SEMA3A: variants seen among roughly 807,000 people sequenced by gnomAD.
SEMA3A encodes the protein semaphorin-3A.
A neutral mutation model predicts 97.9 loss-of-function variants in SEMA3A; 29 were observed. That is an observed-to-expected ratio of 0.30 (90% CI 0.22 to 0.40). The LOEUF (loss-of-function observed/expected upper bound fraction) is 0.40, where lower values mean the gene tolerates loss of function less well. SEMA3A is among the 10% of genes least tolerant of loss of function. The probability of loss-of-function intolerance (pLI) is 1.00; values close to 1 mark genes in which losing one functional copy is unlikely to be tolerated. For synonymous variants in SEMA3A, 321 were observed against 323.7 expected (o/e 0.99, Z 0.09); for missense variants, 763 against 951.3 (o/e 0.80, Z 2.60).
chr7:84,248,954 G>A (rs958151979), intron 3 of SEMA3A, among the ~76,000 whole-genome samples: 1 of 152,150 alleles, frequency 6.6e-6, no homozygotes, highest in African/African-American at 2.4e-5. Context: ...GGCTACATTT[G>A]ACTAGATGTC....
chr7:84,451,024 G>A (rs1475275071), intron 1 of SEMA3A, among the ~76,000 whole-genome samples: 2 of 152,124 alleles, frequency 1.3e-5, no homozygotes, highest in African/African-American at 4.8e-5. Context: ...GTAATTCCAA[G>A]TTTGTGTTTG....
rs76904765 is a variant in SEMA3A at position 84,341,665 on chromosome 7, C to T, written c.-169+30159G>A. 9.8e-3 allele frequency among the ~76,000 whole-genome samples: 1,496 copies of T among 152,176 alleles called. 47 individuals carry two copies. In the East Asian group the frequency reaches 0.11, roughly 12 times the overall value. ...AGTATCTATCTAAGCCTTCAGCCTTCGTCATCTCAAACCTGGATGACTGAA... is the reference window on the plus strand; with the variant it reads ...AGTATCTATCTAAGCCTTCAGCCTTTGTCATCTCAAACCTGGATGACTGAA... On this transcript the variant is annotated intron_variant, in intron 2 of 3. Coordinates refer to the SEMA3A transcript ENST00000424555.
chr7:84,118,782 G>A (rs1400499509), intron 3 of SEMA3A, among the ~76,000 whole-genome samples: 1 of 152,164 alleles, frequency 6.6e-6, no homozygotes, highest in Non-Finnish European at 1.5e-5. Flanking sequence ...AACAACTGTA[G>A]TTACCTACAA....
intron 6 of SEMA3A, among the ~76,000 whole-genome samples, chr7:84,034,515 G>C (rs1238522477): frequency 6.6e-6 from 1 of 152,154 alleles, no homozygotes; most frequent in Non-Finnish European, 1.5e-5. Flanking sequence ...AAGTGATCTT[G>C]TAGATAGCAC....
chr7:84,336,488 T>G (rs1290707079), intron 2 of SEMA3A, among the ~76,000 whole-genome samples: 1 of 151,924 alleles, frequency 6.6e-6, no homozygotes, highest in African/African-American at 2.4e-5. Context: ...TAGTAATGAG[T>G]AGATGGAACT....
rs565472515 is a variant in SEMA3A, at chr7:84,342,688, C to T, written c.-169+29136G>A. Among the ~76,000 whole-genome samples, 17 of 152,174 alleles carry T rather than the reference C, an allele frequency of 1.1e-4. No homozygotes were observed. The East Asian group carries it at 2.1e-3, about 19-fold the overall frequency. On this transcript the variant is annotated intron_variant, in intron 2 of 3. Coordinates refer to the SEMA3A transcript ENST00000424555. ...CACTATTTGCTATGGTTGGCAATTACGTGTATAAACGATTAGTTGCTAATA... is the reference window on the plus strand; with the variant it reads ...CACTATTTGCTATGGTTGGCAATTATGTGTATAAACGATTAGTTGCTAATA...
chr7:84,335,762 G>C (rs1409690173), intron 2 of SEMA3A, among the ~76,000 whole-genome samples: 4 of 152,008 alleles, frequency 2.6e-5, no homozygotes, highest in Non-Finnish European at 5.9e-5. Flanking sequence ...CTGCCTATTT[G>C]AAATATAATG....
intron 2 of SEMA3A, among the ~76,000 whole-genome samples, chr7:84,359,230 A>T (rs1802649795): frequency 6.6e-6 from 1 of 152,072 alleles, no homozygotes; most frequent in African/African-American, 2.4e-5. Context: ...TTTCCAAGGG[A>T]ATGCTTCCAG....
chr7:84,162,995 A>T (rs964009037), intron 1 of SEMA3A, among the ~76,000 whole-genome samples: 1 of 152,210 alleles, frequency 6.6e-6, no homozygotes, highest in African/African-American at 2.4e-5. Flanking sequence ...CAAAGTCAAG[A>T]AAACACAAGT....
intron 1 of SEMA3A, among the ~76,000 whole-genome samples, chr7:84,463,324 C>T (rs1805907363): frequency 7.0e-6 from 1 of 142,390 alleles, no homozygotes; most frequent in Admixed American, 7.1e-5. Context: ...TCTCGGCTCA[C>T]TGCAACCTCC....
intron 6 of SEMA3A, among the ~76,000 whole-genome samples, chr7:84,033,415 T>C (rs1791828144): frequency 6.6e-6 from 1 of 152,200 alleles, no homozygotes; most frequent in South Asian, 2.1e-4. Context: ...CTTTCATTGA[T>C]TGTTGCTTGA....
intron 4 of SEMA3A, among the ~76,000 whole-genome samples, chr7:84,077,186 GC>G (rs951572280): frequency 3.1e-4 from 47 of 152,000 alleles, no homozygotes; most frequent in Non-Finnish European, 4.3e-4. Context: ...GAGTCAGAAA[GC>G]AAATCAATGG....
chr7:84,334,862 C>T (rs1424970063), intron 2 of SEMA3A, among the ~76,000 whole-genome samples: 2 of 151,316 alleles, frequency 1.3e-5, no homozygotes, highest in South Asian at 2.1e-4. Flanking sequence ...CTGGCCCTGC[C>T]TCCTCAATTT....
At chr7:84,261,948 TC>T (rs1236117573) in intron 3 of SEMA3A, among the ~76,000 whole-genome samples, 1 of 149,826 alleles carries the variant, frequency 6.7e-6, no homozygotes, top group Non-Finnish European at 1.5e-5. Flanking sequence ...AATATTGTTA[TC>T]TTTTTTCTTA....
rs546305523 is a variant in SEMA3A at position 84,052,450 on chromosome 7, G to A, written c.548-6007C>T. Among the ~76,000 whole-genome samples the A allele has an allele frequency of 1.3e-3, 199 of 152,202 alleles. 4 individuals carry two copies. The highest frequency in any genetic ancestry group is 0.011 in the East Asian group (55 of 5,164). ...CTGGTTTAGTCTTGGGAGAGTGTAT[G>A]TGTCGAGGAATTTATCCATTTCTTC... is the stretch of plus-strand genomic sequence containing the variant. On this transcript the variant is annotated intron_variant, in intron 5 of 16. Coordinates refer to ENST00000265362, the MANE Select transcript of SEMA3A (RefSeq NM_006080.3).
At chr7:84,196,791 A>G (rs190587821), upstream of SEMA3A, among the ~76,000 whole-genome samples, 42 of 152,178 alleles carry the variant, frequency 2.8e-4, no homozygotes, top group African/African-American at 9.6e-4. Context: ...TCCTATTGAA[A>G]TCTCACATAT....
chr7:84,057,613 A>G (rs900418051), intron 5 of SEMA3A, among the ~76,000 whole-genome samples: 2 of 151,988 alleles, frequency 1.3e-5, no homozygotes, highest in African/African-American at 4.8e-5. Flanking sequence ...AAAAATTCAA[A>G]ACTTAGCCAG....
chr7:84,452,021 T>C (rs1196082222), intron 1 of SEMA3A, among the ~76,000 whole-genome samples: 1 of 152,174 alleles, frequency 6.6e-6, no homozygotes, highest in Admixed American at 6.5e-5. Context: ...TATTTAATTG[T>C]TTGTTTTTCA....
chr7:83,974,311 G>A (rs566133267), intron 15 of SEMA3A, among the ~76,000 whole-genome samples: 27 of 152,272 alleles, frequency 1.8e-4, no homozygotes, highest in African/African-American at 6.3e-4. Flanking sequence ...AGAGTGCCAA[G>A]TGAGTGTTAA....
Sources: allele counts gnomAD v4.1 joint callset (sites outside exome capture counted in the v4.1 genomes callset), GRCh38; gene constraint gnomAD v4.1.1; transcripts MANE v1.5; gene names NCBI Gene and HGNC (gene_info 2026-07-23, HGNC 2026-07-21).